The following IFT43 variants were observed in gnomAD, a reference collection of about 807,000 sequenced individuals.
IFT43 encodes intraflagellar transport protein 43 homolog.
IFT43 carries 33 observed loss-of-function variants against 32.3 expected under a neutral mutation model. The ratio of observed to expected loss-of-function variants is 1.02; its 90% CI spans 0.77 to 1.37. The LOEUF (loss-of-function observed/expected upper bound fraction) is 1.37. Among genes scored for constraint, IFT43 ranks in the 40% most tolerant of loss-of-function variants. IFT43 has a pLI of 0.00. For missense variants in IFT43, 274 were observed against 265.9 expected, an observed-to-expected ratio of 1.03 and a Z score of -0.21; for synonymous variants, 93 against 98.2, an observed-to-expected ratio of 0.95 and a Z score of 0.31.
At position 76,053,031 on chromosome 14, in the gene IFT43, A is replaced by G. The variant is rs189601213; in HGVS notation, c.216-5611A>G. 5.1e-3 allele frequency among the ~76,000 whole-genome samples: 781 copies of G among 152,180 alleles called. 22 individuals carry two copies. Among genetic ancestry groups the G allele is most frequent in the Admixed American group, 0.048 (729 of 15,286 alleles). On this transcript the variant is annotated intron_variant, in intron 3 of 8. Transcript: ENST00000314067. ...ACCCTGCTTGCATTCTGGCCCTACC[A>G]CTTTCTAGGTAGGTAACCTTAGGCA...
chr14:76,000,265 T>G lies in IFT43; in HGVS notation c.147+11288T>G, dbSNP rs1035832159. ...ACATAACATACATAACTGGCTTCTT[T>G]TTTTTTTTTTTTTTTTTGAGATATA... On this transcript the variant is annotated intron_variant, in intron 2 of 8. Coordinates refer to ENST00000314067, the MANE Select transcript of IFT43 (RefSeq NM_001102564.3). Among the ~76,000 whole-genome samples the G allele has an allele frequency of 1.3e-4, 18 of 134,942 alleles. No homozygotes were observed. The East Asian group carries it at 2.7e-3, about 21-fold the overall frequency. The allele number at this position is 134,942 out of a possible 152,430, so 88.5% of individuals were successfully genotyped here.
chr14:76,051,782 G>A (rs2036918075), intron 3 of IFT43, among the ~76,000 whole-genome samples: 1 of 152,144 alleles, frequency 6.6e-6, no homozygotes, highest in African/African-American at 2.4e-5. Flanking sequence ...TGGCATCAAC[G>A]TAGTTGGTAT....
intron 4 of IFT43, 121 bp from the exon 5 acceptor site, chr14:76,059,206 A>G (rs773091849): frequency 1.4e-5 from 22 of 1,602,704 alleles, no homozygotes; most frequent in Non-Finnish European, 1.9e-5. Context: ...GTTGACAGAG[A>G]AAAACAGGTT....
At chr14:76,079,334 G>A (rs956156111) in intron 5 of IFT43, among the ~76,000 whole-genome samples, 5 of 152,144 alleles carry the variant, frequency 3.3e-5, no homozygotes, top group African/African-American at 1.2e-4. Flanking sequence ...TTATAATATC[G>A]GTGAAGTCCA....
chr14:75,988,679 A>G (rs1261542493), intron 1 of IFT43, among the ~76,000 whole-genome samples: 2 of 152,244 alleles, frequency 1.3e-5, no homozygotes, highest in South Asian at 2.1e-4. Flanking sequence ...CCACAACGCC[A>G]GGCTAATCTT....
intron 2 of IFT43, among the ~76,000 whole-genome samples, chr14:76,002,443 GTT>G (rs2035905689): frequency 6.6e-6 from 1 of 152,074 alleles, no homozygotes; most frequent in African/African-American, 2.4e-5. Flanking sequence ...CAAGAAGGAA[GTT>G]GTTAGATGAG....
intron 1 of IFT43, among the ~76,000 whole-genome samples, chr14:75,988,076 A>G (rs1436025487): frequency 6.6e-6 from 1 of 152,330 alleles, no homozygotes; most frequent in East Asian, 1.9e-4. Context: ...GACCTGTGGC[A>G]TGAGGTATCT....
chr14:76,000,207 G>C (rs2035855964), intron 2 of IFT43, among the ~76,000 whole-genome samples: 1 of 150,114 alleles, frequency 6.7e-6, no homozygotes, highest in Non-Finnish European at 1.5e-5. Flanking sequence ...TCAATGAAAT[G>C]ATCATTTGTG....
intron 2 of IFT43, among the ~76,000 whole-genome samples, chr14:76,017,117 G>C (rs1051649726): frequency 6.6e-6 from 1 of 152,164 alleles, no homozygotes; most frequent in African/African-American, 2.4e-5. Context: ...TCCTTGTCTT[G>C]TTCCAGTTCT....
At chr14:76,031,813 G>A (rs1052855665) in intron 3 of IFT43, among the ~76,000 whole-genome samples, 2 of 152,082 alleles carry the variant, frequency 1.3e-5, no homozygotes, top group Non-Finnish European at 2.9e-5. Flanking sequence ...CTGACCCCTC[G>A]AAATGTTGGA....
intron 2 of IFT43, among the ~76,000 whole-genome samples, chr14:76,002,697 G>A (rs952805826): frequency 6.6e-6 from 1 of 152,228 alleles, no homozygotes; most frequent in Non-Finnish European, 1.5e-5. Flanking sequence ...CAGGAATGAA[G>A]GAGAGAGGTG....
intron 5 of IFT43, among the ~76,000 whole-genome samples, chr14:76,062,213 G>C (rs1454340013): frequency 2.0e-5 from 3 of 151,838 alleles, no homozygotes; most frequent in African/African-American, 7.3e-5. Flanking sequence ...TGGGACTACA[G>C]GTGCCTGCCA....
chr14:76,084,052 G>T (rs569076151), downstream of IFT43: 25 of 449,606 alleles, frequency 5.6e-5, no homozygotes, highest in East Asian at 1.7e-3. Flanking sequence ...GCAGCGGAGG[G>T]AGGAGGCGGC....
At chr14:76,053,615 C>T (rs1345933598) in intron 3 of IFT43, among the ~76,000 whole-genome samples, 2 of 152,214 alleles carry the variant, frequency 1.3e-5, no homozygotes, top group South Asian at 2.1e-4. Context: ...CCAGTCTTTG[C>T]TCCCTCACCC....
At chr14:76,037,525 C>T (rs193162858) in intron 3 of IFT43, among the ~76,000 whole-genome samples, 1 of 152,306 alleles carries the variant, frequency 6.6e-6, no homozygotes, top group African/African-American at 2.4e-5. Context: ...GCTTGAAATA[C>T]ATTTTATACT....
intron 5 of IFT43, among the ~76,000 whole-genome samples, chr14:76,068,487 A>G (rs1011319294): frequency 1.3e-5 from 2 of 152,226 alleles, no homozygotes; most frequent in Admixed American, 6.5e-5. Context: ...AGCTGACACA[A>G]TGCTTCAGGG....
intron 5 of IFT43, chr14:76,076,814 A>G (rs1397291636): frequency 5.2e-6 from 6 of 1,148,450 alleles, no homozygotes; most frequent in Non-Finnish European, 7.6e-6. Flanking sequence ...TTCAGGCCAA[A>G]TGGCAGTTGC....
intron 5 of IFT43, among the ~76,000 whole-genome samples, chr14:76,070,689 A>C (rs1376220035): frequency 1.3e-5 from 2 of 152,086 alleles, no homozygotes; most frequent in Non-Finnish European, 2.9e-5. Flanking sequence ...TGGCTTTCTC[A>C]TGAATGGTTT....
intron 3 of IFT43, among the ~76,000 whole-genome samples, chr14:76,023,478 G>T (rs190468677): frequency 2.4e-4 from 37 of 152,236 alleles, no homozygotes; most frequent in African/African-American, 8.7e-4. Flanking sequence ...TCTACAATGG[G>T]GTTAAAAATA....
Sources: allele counts gnomAD v4.1 joint callset (sites outside exome capture counted in the v4.1 genomes callset), GRCh38; gene constraint gnomAD v4.1.1; transcripts MANE v1.5; gene names NCBI Gene and HGNC (gene_info 2026-07-23, HGNC 2026-07-21).